FBXL18: variants seen among roughly 807,000 people sequenced by gnomAD.
The protein encoded by FBXL18 is F-box/LRR-repeat protein 18.
In FBXL18, 36 loss-of-function variants were observed where a neutral mutation model predicts 46.0. That is an observed-to-expected ratio of 0.78 (90% CI 0.60 to 1.03). FBXL18 has a LOEUF of 1.03. Among genes scored for constraint, FBXL18 ranks in the 50% least tolerant of loss-of-function variants. The pLI, the probability that FBXL18 is intolerant of heterozygous loss-of-function variation, is 0.00. For missense variants in FBXL18, 977 were observed against 1,004.1 expected (o/e 0.97, Z 0.36); for synonymous variants, 557 against 465.3 (o/e 1.20, Z -2.54).
rs376705254 is a variant in FBXL18 at position 5,505,436 on chromosome 7, G to A, written c.213C>T (p.Thr71=). ...ALCLDKSLIH[T]VLLQKDYQAS... Reference sequence around the variant, plus strand: ...CCTGATAGTCCTTTTGCAGCAACACGGTGTGGATGAGGCTCTTGTCAAGGC... The same window carrying A: ...CCTGATAGTCCTTTTGCAGCAACACAGTGTGGATGAGGCTCTTGTCAAGGC... The change falls in exon 2 of 5, where the codon ACC becomes ACT. Residue 71 remains threonine, a synonymous_variant. Transcript: ENST00000382368. The A allele has an allele frequency of 2.7e-5, 43 of 1,613,964 alleles. No individual in the cohort carries two copies. The highest frequency in any genetic ancestry group is 1.8e-4 in the Admixed American group (11 of 59,952).
At chr7:5,471,627 G>A (rs1196058081), downstream of FBXL18, among the ~76,000 whole-genome samples, 1 of 152,138 alleles carries the variant, frequency 6.6e-6, no homozygotes, top group Non-Finnish European at 1.5e-5. Context: ...AGCCAGGATG[G>A]TCTCGATCTC....
intron 2 of FBXL18, among the ~76,000 whole-genome samples, chr7:5,504,801 A>G (rs970440174): frequency 6.7e-6 from 1 of 149,470 alleles, no homozygotes; most frequent in Non-Finnish European, 1.5e-5. Context: ...CTGTAGTCCC[A>G]GGTACTCGGG....
rs1043241955 is a variant in FBXL18, at chr7:5,496,878, A to C, written c.1781+3610T>G. ...CCGTCTCTACTAAAAATACAAAAAAAAAATTAGCCGAGTATGGTGGTGGGC... is the reference window on the plus strand; with the variant it reads ...CCGTCTCTACTAAAAATACAAAAAACAAATTAGCCGAGTATGGTGGTGGGC... On this transcript the variant is annotated intron_variant, in intron 3 of 4. Transcript: ENST00000382368. This position sits in a 1 kb window ranked among gnomAD's most constrained non-coding sequence, Gnocchi z 4.8. Among the ~76,000 whole-genome samples the C allele has an allele frequency of 2.1e-4, 32 of 151,920 alleles. No individual in the cohort carries two copies. The highest frequency in any genetic ancestry group is 3.5e-4 in the Non-Finnish European group (24 of 67,980).
intron 1 of FBXL18, among the ~76,000 whole-genome samples, chr7:5,505,983 G>A (rs1229199982): frequency 6.6e-6 from 1 of 152,080 alleles, no homozygotes; most frequent in Non-Finnish European, 1.5e-5. Flanking sequence ...TCCTGCCTCA[G>A]CCTCCCAAGC....
chr7:5,454,664 G>A (rs1057181648), intron 4 of FBXL18, among the ~76,000 whole-genome samples: 2 of 151,122 alleles, frequency 1.3e-5, no homozygotes, highest in African/African-American at 4.8e-5. Flanking sequence ...GGGGCCCTGA[G>A]TGAGGCTCAG....
At chr7:5,469,890 G>A (rs1783401336) in intron 4 of FBXL18, among the ~76,000 whole-genome samples, 1 of 151,322 alleles carries the variant, frequency 6.6e-6, no homozygotes, top group Non-Finnish European at 1.5e-5. Context: ...AGGTGTGTGT[G>A]CGAGGGCATG....
chr7:5,500,861 G>C lies in FBXL18; in HGVS notation c.1408C>G (p.Gln470Glu). 1 of 1,605,548 alleles carries C rather than the reference G, an allele frequency of 6.2e-7. No homozygotes were observed. The highest frequency in any genetic ancestry group is 8.5e-7 in the Non-Finnish European group (1 of 1,175,146). Residue 470 changes from glutamine (Q) to glutamate (E), a missense_variant, in exon 3 of 5, where the codon CAG becomes GAG. By Grantham distance (29) the Gln-to-Glu change is conservative. Coordinates refer to ENST00000382368, the MANE Select transcript of FBXL18 (RefSeq NM_024963.6). ...AGAGACCAGAACACGGAGGAGGGCTGGGGGCACGCCTGGCCCGAGAAGGGG... is the reference window on the plus strand; with the variant it reads ...AGAGACCAGAACACGGAGGAGGGCTCGGGGCACGCCTGGCCCGAGAAGGGG... ...PSPFSGQACP[Q>E]PSSVFWSLLK... is the part of the protein sequence containing the mutation.
intron 4 of FBXL18, among the ~76,000 whole-genome samples, chr7:5,488,666 G>A (rs1469152765): frequency 6.6e-6 from 1 of 152,186 alleles, no homozygotes; most frequent in South Asian, 2.1e-4. Context: ...GTGCACAGTC[G>A]CAGCCTCCCA....
At chr7:5,512,297 TAA>T (rs71004681) in intron 1 of FBXL18, among the ~76,000 whole-genome samples, 8,249 of 85,314 alleles carry the variant, frequency 0.097, 494 homozygotes, top group Non-Finnish European at 0.12. Context: ...AAGTGTTATT[TAA>T]AAAAAAAAAA....
chr7:5,489,606 T>C (rs1489252296), intron 4 of FBXL18: 1 of 174,564 alleles, frequency 5.7e-6, no homozygotes, highest in Admixed American at 6.1e-5. Flanking sequence ...CCGTCTCTAC[T>C]AAAAAAAAAA....
chr7:5,471,195 A>T (rs1412382147), downstream of FBXL18, among the ~76,000 whole-genome samples: 3 of 152,180 alleles, frequency 2.0e-5, no homozygotes, highest in Admixed American at 2.0e-4. Flanking sequence ...GCCGCTGTGC[A>T]GGGCTCCTGG....
At chr7:5,457,808 C>T (rs1443585171) in intron 4 of FBXL18, among the ~76,000 whole-genome samples, 1 of 152,164 alleles carries the variant, frequency 6.6e-6, no homozygotes, top group African/African-American at 2.4e-5. Context: ...ACCAGATCTC[C>T]AGGCCACGTT....
At chr7:5,467,859 TGACAG>T (rs1487472271) in intron 4 of FBXL18, among the ~76,000 whole-genome samples, 4 of 152,226 alleles carry the variant, frequency 2.6e-5, no homozygotes, top group South Asian at 2.1e-4. Flanking sequence ...CCTAATTGTC[TGACAG>T]CAGAAAGAGC....
intron 4 of FBXL18, among the ~76,000 whole-genome samples, chr7:5,461,523 G>A (rs1474392930): frequency 2.6e-5 from 4 of 152,222 alleles, no homozygotes; most frequent in Non-Finnish European, 5.9e-5. Flanking sequence ...AGTGCCTGTA[G>A]TCCAAGCTAC....
In FBXL18 at chr7:5,501,920, G is replaced by A. The variant is rs868193480; in HGVS notation, c.349C>T (p.Arg117Cys). The A allele has an allele frequency of 1.9e-6, 3 of 1,603,088 alleles. No homozygotes were observed. The highest frequency in any genetic ancestry group is 8.5e-7 in the Non-Finnish European group (1 of 1,176,148). The stretch of plus-strand genomic sequence containing the variant: ...TTCACCTTCACCAGGCTGCGGCAGC[G>A]GGCCACGTGTTCCACGGTGGAGCCA... ...LPGSTVEHVA[R>C]CRSLVKVNLS... The change falls in exon 3 of 5, where the codon CGC (arginine) becomes TGC (cysteine). Residue 117 changes from arginine to cysteine, a missense_variant. By Grantham distance (180) the Arg-to-Cys change is radical. Coordinates refer to ENST00000382368, the MANE Select transcript of FBXL18 (RefSeq NM_024963.6).
rs1404157956 is a variant in FBXL18, at chr7:5,490,963, GTAA to G, written c.2000+265_2000+267del. Among the ~76,000 whole-genome samples, 6 of 152,152 alleles carry G rather than the reference GTAA, an allele frequency of 3.9e-5. No individual in the cohort carries two copies. In the East Asian group the frequency reaches 5.8e-4, roughly 15 times the overall value. The stretch of plus-strand genomic sequence containing the variant: ...AACACAGTGAGACTCCGTCTCAAAA[GTAA>G]TAATAATAATAAGAAGAAGACTTTT... On this transcript the variant is annotated intron_variant, in intron 4 of 4. Coordinates refer to ENST00000382368, the MANE Select transcript of FBXL18 (RefSeq NM_024963.6).
At chr7:5,486,562 AG>A (rs1292655438) in intron 4 of FBXL18, among the ~76,000 whole-genome samples, 2 of 152,064 alleles carry the variant, frequency 1.3e-5, no homozygotes, top group Non-Finnish European at 2.9e-5. Flanking sequence ...CTGAAGCAGG[AG>A]GATCACTTGA....
chr7:5,505,403 C>A lies in FBXL18; in HGVS notation c.237+9G>T. 1 of 1,613,390 alleles carries A rather than the reference C, an allele frequency of 6.2e-7. No homozygotes were observed. The highest frequency in any genetic ancestry group is 8.5e-7 in the Non-Finnish European group (1 of 1,179,384). On this transcript the variant is annotated intron_variant, in intron 2 of 4. Coordinates refer to ENST00000382368, the MANE Select transcript of FBXL18 (RefSeq NM_024963.6). ...TTGTTTCTCATCTCCTGCCCCCACG[C>A]CTGCTCACCTGATAGTCCTTTTGCA...
rs544817417 is a variant in FBXL18 at position 5,491,265 on chromosome 7, T to A, written c.1966A>T (p.Thr656Ser). 1 of 1,613,126 alleles carries A rather than the reference T, an allele frequency of 6.2e-7. No individual in the cohort carries two copies. Among genetic ancestry groups the A allele is most frequent in the Non-Finnish European group, 8.5e-7 (1 of 1,179,798 alleles). ...CHLFTGESLA[T>S]CKSLQQSLLR... ...AGCGACTGCTGCAGGCTCTTGCAGG[T>A]GGCGAGGGACTCCCCGGTGAACAGG... Residue 656 changes from threonine (T) to serine (S), a missense_variant, in exon 4 of 5, where the codon ACC becomes TCC. Thr to Ser is a moderately conservative substitution (Grantham distance 58). Coordinates refer to ENST00000382368, the MANE Select transcript of FBXL18 (RefSeq NM_024963.6).
Sources: gnomAD v4.1 joint callset for allele counts (sites outside exome capture counted in the v4.1 genomes callset) on GRCh38, gnomAD v4.1.1 for gene constraint, Gnocchi (gnomAD v3.1) non-coding constraint, MANE v1.5 for transcripts, NCBI Gene and HGNC (gene_info 2026-07-23, HGNC 2026-07-21) for gene names.